The following MEOX2 variants were observed in gnomAD, a reference collection of about 807,000 sequenced individuals.
MEOX2 encodes mesenchyme homeobox 2, also known as homeobox protein MOX-2.
Under a neutral mutation model 27.0 loss-of-function variants are expected in MEOX2, and 11 were observed. The observed-to-expected ratio is 0.41, with a 90% CI of 0.26 to 0.68. The LOEUF (loss-of-function observed/expected upper bound fraction) is 0.68. Among genes scored for constraint, MEOX2 ranks in the 30% least tolerant of loss-of-function variants. The pLI, the probability that MEOX2 is intolerant of heterozygous loss-of-function variation, is 0.33. For missense variants in MEOX2, 436 were observed against 385.4 expected, an observed-to-expected ratio of 1.13 and a Z score of -1.10; for synonymous variants, 189 against 155.4, an observed-to-expected ratio of 1.22 and a Z score of -1.61.
intron 1 of MEOX2, among the ~76,000 whole-genome samples, chr7:15,643,249 T>C (rs931644837): frequency 8.5e-5 from 13 of 152,114 alleles, no homozygotes; most frequent in African/African-American, 4.8e-5. Flanking sequence ...AAAGGAAGTA[T>C]TGGTATGTCC....
At chr7:15,627,793 C>T (rs866048161) in intron 1 of MEOX2, among the ~76,000 whole-genome samples, 15 of 45,742 alleles carry the variant, frequency 3.3e-4, no homozygotes, top group African/African-American at 7.2e-4. Context: ...AAAAGCAGAA[C>T]GTGAATCAAT....
intron 1 of MEOX2, among the ~76,000 whole-genome samples, chr7:15,629,383 T>G (rs1402593548): frequency 2.0e-5 from 3 of 152,058 alleles, no homozygotes; most frequent in Non-Finnish European, 4.4e-5. Context: ...TAAGCTAAAA[T>G]CTGGCTGTAG....
intron 1 of MEOX2, among the ~76,000 whole-genome samples, chr7:15,654,183 T>C (rs562492054): frequency 1.3e-5 from 2 of 152,094 alleles, no homozygotes; most frequent in African/African-American, 4.8e-5. Context: ...AATTGTGTTT[T>C]AATTTTAGAG....
At chr7:15,643,928 C>T (rs1275804613) in intron 1 of MEOX2, among the ~76,000 whole-genome samples, 2 of 152,164 alleles carry the variant, frequency 1.3e-5, no homozygotes, top group East Asian at 1.9e-4. Flanking sequence ...TGGTGAGCTG[C>T]TCCCAGGCCA....
At position 15,655,454 on chromosome 7, in the gene MEOX2, C is replaced by G. The variant is rs76011638; in HGVS notation, c.518-28536G>C. Among the ~76,000 whole-genome samples the G allele has an allele frequency of 2.7e-3, 404 of 151,464 alleles. 1 individual carries two copies. In the Middle Eastern group the frequency reaches 0.027, roughly 10 times the overall value. Reference sequence around the variant, plus strand: ...GTTTATTTTGCTCTTTTTGTCTAGACGAGAGATTAGACAATTGTTCTGAAA... The same window carrying G: ...GTTTATTTTGCTCTTTTTGTCTAGAGGAGAGATTAGACAATTGTTCTGAAA... On this transcript the variant is annotated intron_variant, in intron 1 of 2. Transcript: ENST00000262041.
intron 1 of MEOX2, among the ~76,000 whole-genome samples, chr7:15,648,932 A>G (rs555285872): frequency 1.1e-3 from 163 of 152,184 alleles, no homozygotes; most frequent in Non-Finnish European, 1.9e-3. Context: ...GCCTCACTCC[A>G]TAAATGATTA....
chr7:15,613,500 G>A (rs982947704), intron 2 of MEOX2, among the ~76,000 whole-genome samples: 2 of 151,554 alleles, frequency 1.3e-5, no homozygotes, highest in African/African-American at 2.4e-5. Context: ...CTTTCACATT[G>A]CATTTCTCAT....
intron 1 of MEOX2, among the ~76,000 whole-genome samples, chr7:15,675,544 T>C (rs1782179200): frequency 6.6e-6 from 1 of 152,248 alleles, no homozygotes; most frequent in Non-Finnish European, 1.5e-5. Flanking sequence ...AGTCAGGATA[T>C]GGAAGCTCAG....
chr7:15,627,039 A>T, intron 1 of MEOX2, 121 bp from the exon 2 acceptor site: 1 of 884,708 alleles, frequency 1.1e-6, no homozygotes. Flanking sequence ...GAACAAATAG[A>T]GACCAAAGAC....
At chr7:15,637,205 G>C (rs1028917860) in intron 1 of MEOX2, among the ~76,000 whole-genome samples, 2 of 152,020 alleles carry the variant, frequency 1.3e-5, no homozygotes, top group African/African-American at 4.8e-5. Flanking sequence ...TCTCTGCCAA[G>C]ATAGTATATA....
chr7:15,656,726 A>G (rs1208910361), intron 1 of MEOX2, among the ~76,000 whole-genome samples: 2 of 152,074 alleles, frequency 1.3e-5, no homozygotes, highest in Admixed American at 6.5e-5. Context: ...CAATAATAAC[A>G]TAAAACTCAA....
chr7:15,633,270 T>C (rs1385520252), intron 1 of MEOX2, among the ~76,000 whole-genome samples: 2 of 151,938 alleles, frequency 1.3e-5, no homozygotes, highest in Non-Finnish European at 2.9e-5. Flanking sequence ...AACTCAAGCT[T>C]CCACATGTGT....
intron 2 of MEOX2, among the ~76,000 whole-genome samples, chr7:15,613,891 G>A (rs572100307): frequency 5.9e-5 from 9 of 151,618 alleles, no homozygotes; most frequent in Non-Finnish European, 1.2e-4. Flanking sequence ...TCTTGCATTT[G>A]TGTCCTGATA....
At chr7:15,623,651 G>C (rs143218029) in intron 2 of MEOX2, among the ~76,000 whole-genome samples, 3 of 152,266 alleles carry the variant, frequency 2.0e-5, no homozygotes, top group Non-Finnish European at 4.4e-5. Context: ...ACAAGTACAG[G>C]CTTGAGCTAC....
intron 1 of MEOX2, chr7:15,679,302 C>T (rs1265680939): frequency 6.6e-6 from 1 of 151,812 alleles, no homozygotes; most frequent in East Asian, 1.9e-4. Context: ...AATTCAGCAC[C>T]CTCCCTTTTA....
At chr7:15,656,917 A>G (rs919925936) in intron 1 of MEOX2, among the ~76,000 whole-genome samples, 5 of 151,974 alleles carry the variant, frequency 3.3e-5, no homozygotes. Flanking sequence ...TCACTTGAGA[A>G]TGTCATGATC....
intron 1 of MEOX2, among the ~76,000 whole-genome samples, chr7:15,660,060 C>A (rs1336957932): frequency 3.3e-5 from 5 of 152,098 alleles, no homozygotes; most frequent in Admixed American, 1.3e-4. Context: ...AAAGTGAACA[C>A]CTTTCCTTCT....
chr7:15,674,575 T>TGC (rs1464746347), intron 1 of MEOX2, among the ~76,000 whole-genome samples: 1 of 151,976 alleles, frequency 6.6e-6, no homozygotes, highest in Non-Finnish European at 1.5e-5. Flanking sequence ...TGTGTGTGTG[T>TGC]GTGTGTGTGC....
rs1357838190 is a variant in MEOX2 at position 15,626,767 on chromosome 7, A to G, written c.669T>C (p.Asn223=). 6.2e-7 allele frequency: 1 copy of G among 1,609,192 alleles called. No individual in the cohort carries two copies. Among genetic ancestry groups the G allele is most frequent in the South Asian group, 1.1e-5 (1 of 90,686 alleles). Residue 223 remains asparagine (N), a synonymous_variant, in exon 2 of 3, where the codon AAT becomes AAC. Transcript: ENST00000262041. ...TTACCTGTCTTTCAGTGAGATCCAG[A>G]TTCACTGCTATCTCGTATCGCCTCA... The part of the protein sequence containing the change: ...TRLRRYEIAV[N]LDLTERQVKV...
Sources: allele counts gnomAD v4.1 joint callset (sites outside exome capture counted in the v4.1 genomes callset), GRCh38; gene constraint gnomAD v4.1.1; transcripts MANE v1.5; gene names NCBI Gene and HGNC (gene_info 2026-07-23, HGNC 2026-07-21).